Variants in TMEM18 observed in about 807,000 individuals in gnomAD.
TMEM18 encodes the protein transmembrane protein 18.
TMEM18 carries 14 observed loss-of-function variants against 17.4 expected under a neutral mutation model. The ratio of observed to expected loss-of-function variants is 0.80; its 90% CI spans 0.53 to 1.25. TMEM18 has a LOEUF of 1.25. Ranked by LOEUF, TMEM18 falls within the 50% of genes most tolerant of loss-of-function variation. The pLI is 0.00. For synonymous variants in TMEM18, 86 were observed against 66.1 expected (o/e 1.30, Z -1.46); for missense variants, 187 against 172.1 (o/e 1.09, Z -0.48).
chr2:665,928 G>A lies in TMEM18; in HGVS notation c.*3652C>T, dbSNP rs1353146008. ...AGGCAGTCACCCAGCTCACTCAGAT[G>A]GAGTGTTAACCCCACGCACACAAAA... On this transcript the variant is annotated 3_prime_UTR_variant, in exon 5 of 5. Transcript: ENST00000281017. Among the ~76,000 whole-genome samples, 3 of 152,280 alleles carry A rather than the reference G, an allele frequency of 2.0e-5. 1 individual carries two copies. The highest frequency in any genetic ancestry group is 7.2e-5 in the African/African-American group (3 of 41,544).
intron 1 of TMEM18, chr2:676,348 C>T (rs1659212006): frequency 6.9e-7 from 1 of 1,455,010 alleles, no homozygotes. Flanking sequence ...CAACCCTCCC[C>T]ATCCCCTCCT....
At position 669,668 on chromosome 2, in the gene TMEM18, C is replaced by A; in HGVS notation, c.335G>T (p.Trp112Leu). 1 of 1,614,118 alleles carries A rather than the reference C, an allele frequency of 6.2e-7. No individual in the cohort carries two copies. Among genetic ancestry groups the A allele is most frequent in the Non-Finnish European group, 8.5e-7 (1 of 1,180,012 alleles). Residue 112 changes from tryptophan to leucine, a missense_variant, in exon 5 of 5, where the codon TGG (tryptophan) becomes TTG (leucine). Trp to Leu is a moderately conservative substitution (Grantham distance 61). Coordinates refer to ENST00000281017, the MANE Select transcript of TMEM18 (RefSeq NM_152834.4). ...CATCACATTCAAAGTCTTCCATACC[C>A]ACATAACCTAAACACAATTGTTTGA... ...LVNAMIIVVM[W>L]VWKTLNVMTD...
intron 3 of TMEM18, chr2:670,151 T>C (rs1678804373): frequency 5.9e-6 from 2 of 336,408 alleles, no homozygotes; most frequent in Non-Finnish European, 1.1e-5. Context: ...CTCTGGGTCA[T>C]CAGCAGCACA....
intron 3 of TMEM18, among the ~76,000 whole-genome samples, chr2:671,461 CT>C (rs1558180716): frequency 3.4e-4 from 3 of 8,860 alleles, no homozygotes; most frequent in African/African-American, 2.2e-3. Flanking sequence ...AGGCAGGGTC[CT>C]CCTGGGACTG....
rs553640536 is a variant in TMEM18, at chr2:676,876, G to A, written c.57+413C>T. 17 of 582,630 alleles carry A rather than the reference G, an allele frequency of 2.9e-5. No individual in the cohort carries two copies. The South Asian group carries it at 3.3e-4, about 11-fold the overall frequency. 36.1% of individuals were successfully genotyped at this position (582,630 alleles called of 1,614,324 possible). A position where few individuals can be genotyped will look rare whatever the true frequency, so the allele number is the denominator to read the frequency against. On this transcript the variant is annotated intron_variant, in intron 1 of 4. Transcript: ENST00000281017. ...CCACACGAACAAAGCCCTACCCCTC[G>A]CGCTCCGCCCACACAACTCAGCCAC...
intron 3 of TMEM18, among the ~76,000 whole-genome samples, chr2:671,462 T>C (rs1251852354): frequency 2.4e-4 from 2 of 8,188 alleles, no homozygotes; most frequent in African/African-American, 1.7e-3. Context: ...GGCAGGGTCC[T>C]CCTGGGACTG....
At chr2:676,592 G>A in intron 1 of TMEM18, 3 of 1,550,536 alleles carry the variant, frequency 1.9e-6, no homozygotes, top group African/African-American at 1.4e-5. Context: ...CAGAGGCACG[G>A]AGGTGAGGGG....
chr2:675,688 C>G, intron 1 of TMEM18, 58 bp from the exon 2 acceptor site: 1 of 1,599,144 alleles, frequency 6.3e-7, no homozygotes, highest in Non-Finnish European at 8.5e-7. Context: ...GGGTTCACGG[C>G]CCACCCACAG....
In TMEM18 at chr2:666,264, G is replaced by C. The variant is rs534810277; in HGVS notation, c.*3316C>G. Among the ~76,000 whole-genome samples the C allele has an allele frequency of 2.6e-5, 4 of 152,320 alleles. No individual in the cohort carries two copies. Among genetic ancestry groups the C allele is most frequent in the African/African-American group, 7.2e-5 (3 of 41,564 alleles). ...CCCTATGGCCACATGCTTGGACTTA[G>C]GCCTCTGCTTGGCTGCCTGAAGGCT... is the stretch of plus-strand genomic sequence containing the variant. On this transcript the variant is annotated 3_prime_UTR_variant, in exon 5 of 5. Transcript: ENST00000281017.
chr2:675,874 C>G (rs1401006489), intron 1 of TMEM18: 9 of 1,492,042 alleles, frequency 6.0e-6, no homozygotes, highest in Non-Finnish European at 4.5e-6. Flanking sequence ...TCATGGAATT[C>G]AAAGTTCAAG....
At chr2:673,005 C>T (rs1678895798) in intron 2 of TMEM18, 143 bp from the exon 3 acceptor site, 2 of 798,052 alleles carry the variant, frequency 2.5e-6, no homozygotes, top group Non-Finnish European at 3.7e-6. Flanking sequence ...CTAACATTGT[C>T]AAGTCGTAGG....
In TMEM18 at chr2:666,026, A is replaced by G. The variant is rs1182565686; in HGVS notation, c.*3554T>C. ...TGTACAACAGAACCCCGAGATGCAG[A>G]TGCTCAGCTCACTGAGATGGAGCAT... On this transcript the variant is annotated 3_prime_UTR_variant, in exon 5 of 5. Coordinates refer to ENST00000281017, the MANE Select transcript of TMEM18 (RefSeq NM_152834.4). 6.6e-6 allele frequency among the ~76,000 whole-genome samples: 1 copy of G among 152,088 alleles called. No homozygotes were observed. Among genetic ancestry groups the G allele is most frequent in the Non-Finnish European group, 1.5e-5 (1 of 68,010 alleles).
Position 669,505 on chromosome 2 carries a change from C to T in TMEM18, c.*75G>A, listed in dbSNP as rs549828930. On this transcript the variant is annotated 3_prime_UTR_variant, in exon 5 of 5. Transcript: ENST00000281017. Reference sequence around the variant, plus strand: ...CATGAGTCAGCTGGAAGGATGCCCACGCCACGCACACTGCAGCACTGGGAG... The same window carrying T: ...CATGAGTCAGCTGGAAGGATGCCCATGCCACGCACACTGCAGCACTGGGAG... The T allele has an allele frequency of 6.9e-5, 99 of 1,435,722 alleles. No homozygotes were observed. The highest frequency in any genetic ancestry group is 1.8e-4 in the Middle Eastern group (1 of 5,622). The allele number at this position is 1,435,722 out of a possible 1,614,324, so 88.9% of individuals were successfully genotyped here.
rs941273985 is a variant in TMEM18 at position 673,242 on chromosome 2, G to A, written c.179-380C>T. On this transcript the variant is annotated intron_variant, in intron 2 of 4. Coordinates refer to ENST00000281017, the MANE Select transcript of TMEM18 (RefSeq NM_152834.4). ...CACGGCAGCAGGAGCTGAGAGCCAC[G>A]AGACCCAGAGCTGACAACCAAGGGC... Among the ~76,000 whole-genome samples, 11 of 152,202 alleles carry A rather than the reference G, an allele frequency of 7.2e-5. No homozygotes were observed. In the East Asian group the frequency reaches 1.9e-3, roughly 27 times the overall value.
Position 664,348 on chromosome 2 carries a change from T to C in TMEM18, c.*5232A>G, listed in dbSNP as rs987356516. Among the ~76,000 whole-genome samples, 1 of 152,246 alleles carries C rather than the reference T, an allele frequency of 6.6e-6. No homozygotes were observed. Among genetic ancestry groups the C allele is most frequent in the Admixed American group, 6.5e-5 (1 of 15,286 alleles). Reference sequence around the variant, plus strand: ...AAAACTGTTTGACTTTCTAAAACCTTTTCAACACAAGCCAAAGCCAAACTA... The same window carrying C: ...AAAACTGTTTGACTTTCTAAAACCTCTTCAACACAAGCCAAAGCCAAACTA... On this transcript the variant is annotated 3_prime_UTR_variant, in exon 5 of 5. Transcript: ENST00000281017.
intron 2 of TMEM18, among the ~76,000 whole-genome samples, 196 bp downstream of exon 2, chr2:675,314 C>G (rs1191829757): frequency 1.3e-5 from 2 of 152,228 alleles, no homozygotes; most frequent in African/African-American, 4.8e-5. Context: ...AGATTCCTCT[C>G]AACTCTAACA....
Position 667,956 on chromosome 2 carries a change from A to G in TMEM18, c.*1624T>C, listed in dbSNP as rs1558178651. ...TCTGTTCTCACACTGCTATAAAGATACTACCTGAGACCTGGATTACTTTAT... is the reference window on the plus strand; with the variant it reads ...TCTGTTCTCACACTGCTATAAAGATGCTACCTGAGACCTGGATTACTTTAT... On this transcript the variant is annotated 3_prime_UTR_variant, in exon 5 of 5. Coordinates refer to ENST00000281017, the MANE Select transcript of TMEM18 (RefSeq NM_152834.4). The G allele has an allele frequency of 6.6e-6, 1 of 152,250 alleles. No individual in the cohort carries two copies. Among genetic ancestry groups the G allele is most frequent in the Admixed American group, 6.5e-5 (1 of 15,286 alleles). The allele number at this position is 152,250 out of a possible 1,614,324, so 9.4% of individuals were successfully genotyped here.
chr2:676,471 G>C, intron 1 of TMEM18: 1 of 1,275,564 alleles, frequency 7.8e-7, no homozygotes, highest in Non-Finnish European at 1.0e-6. Flanking sequence ...CAGCCCTCCA[G>C]AACTCCTGTG....
Position 668,515 on chromosome 2 carries a change from G to A in TMEM18, c.*1065C>T, listed in dbSNP as rs1345461398. 1 of 152,220 alleles carries A rather than the reference G, an allele frequency of 6.6e-6. No homozygotes were observed. Among genetic ancestry groups the A allele is most frequent in the Non-Finnish European group, 1.5e-5 (1 of 68,046 alleles). 9.4% of individuals were successfully genotyped at this position (152,220 alleles called of 1,614,324 possible). On this transcript the variant is annotated 3_prime_UTR_variant, in exon 5 of 5. Transcript: ENST00000281017. Reference sequence around the variant, plus strand: ...CTCTTCCCAGGCTTGTCTAATCAAAGATAACTGTTCCAATTACATTTTGAA... The same window carrying A: ...CTCTTCCCAGGCTTGTCTAATCAAAAATAACTGTTCCAATTACATTTTGAA...
Sources: gnomAD v4.1 joint callset for allele counts (sites outside exome capture counted in the v4.1 genomes callset) on GRCh38, gnomAD v4.1.1 for gene constraint, MANE v1.5 for transcripts, NCBI Gene and HGNC (gene_info 2026-07-23, HGNC 2026-07-21) for gene names.